Variants in DGCR2 observed in about 807,000 individuals in gnomAD.
DGCR2 encodes DiGeorge syndrome critical region gene 2, also known as integral membrane protein DGCR2/IDD.
Under a neutral mutation model 51.6 loss-of-function variants are expected in DGCR2, and 24 were observed. The observed-to-expected ratio is 0.47, with a 90% CI of 0.34 to 0.65. The LOEUF (loss-of-function observed/expected upper bound fraction) is 0.65. Ranked by LOEUF, DGCR2 falls within the 30% of genes least tolerant of loss-of-function variation. DGCR2 has a pLI of 0.01. For synonymous variants in DGCR2, 340 were observed against 315.4 expected, an observed-to-expected ratio of 1.08 and a Z score of -0.82; for missense variants, 765 against 772.1, an observed-to-expected ratio of 0.99 and a Z score of 0.11.
chr22:19,083,121 T>C (rs2082959948), intron 2 of DGCR2, among the ~76,000 whole-genome samples: 1 of 151,948 alleles, frequency 6.6e-6, no homozygotes, highest in African/African-American at 2.4e-5. Context: ...AAAGGCACAC[T>C]TCCCTATCAA....
chr22:19,121,790 C>G (rs2083435674), intron 1 of DGCR2: 1 of 188,990 alleles, frequency 5.3e-6, no homozygotes, highest in African/African-American at 2.4e-5. Context: ...TCTGTGAAAC[C>G]AGGTGCCCCT....
chr22:19,116,099 G>A (rs1007764229), intron 1 of DGCR2, among the ~76,000 whole-genome samples: 2 of 152,250 alleles, frequency 1.3e-5, no homozygotes, highest in Non-Finnish European at 2.9e-5. Flanking sequence ...AGAACAGATT[G>A]AGCCTAGGCA....
In DGCR2 at chr22:19,089,573, C is replaced by T. The variant is rs1365631726; in HGVS notation, c.80-83G>A. ...AGCCCATGGGCTGGATCAATCTCTTCCCATTTGTTTGTTTGTTTGTTTTTG... is the reference window on the plus strand; with the variant it reads ...AGCCCATGGGCTGGATCAATCTCTTTCCATTTGTTTGTTTGTTTGTTTTTG... On this transcript the variant is annotated intron_variant, in intron 1 of 9. Coordinates refer to ENST00000263196, the MANE Select transcript of DGCR2 (RefSeq NM_005137.3). 3.0e-6 allele frequency: 4 copies of T among 1,341,452 alleles called. No individual in the cohort carries two copies. The African/African-American group carries it at 4.5e-5, about 15-fold the overall frequency. 83.1% of individuals were successfully genotyped at this position (1,341,452 alleles called of 1,614,324 possible). A position where few individuals can be genotyped will look rare whatever the true frequency, so the allele number is the denominator to read the frequency against.
chr22:19,076,652 T>C (rs142565173), intron 2 of DGCR2, among the ~76,000 whole-genome samples: 2,473 of 152,056 alleles, frequency 0.016, 87 homozygotes, highest in East Asian at 0.062. Context: ...TTTGCATTTC[T>C]CTAATCATTA....
intron 1 of DGCR2, 200 bp downstream of exon 1, chr22:19,121,928 G>C (rs1407653377): frequency 7.0e-6 from 2 of 286,012 alleles, no homozygotes; most frequent in Non-Finnish European, 1.3e-5. Flanking sequence ...AGAGCTGCAC[G>C]AAGTCCGAGG....
chr22:19,122,325 G>A lies in DGCR2; in HGVS notation c.-119C>T. 3.7e-6 allele frequency: 3 copies of A among 820,372 alleles called. No individual in the cohort carries two copies. Among genetic ancestry groups the A allele is most frequent in the Non-Finnish European group, 5.2e-6 (3 of 571,672 alleles). The allele number at this position is 820,372 out of a possible 1,614,324, so 50.8% of individuals were successfully genotyped here. Reference sequence around the variant, plus strand: ...GCTGAACCTGGGCGAGGCGCGGAGAGGCGGCGGGAAAGAGCTTCGGCTGGG... The same window carrying A: ...GCTGAACCTGGGCGAGGCGCGGAGAAGCGGCGGGAAAGAGCTTCGGCTGGG... On this transcript the variant is annotated 5_prime_UTR_variant, in exon 1 of 10. Transcript: ENST00000263196.
chr22:19,060,200 C>T (rs2082645702), intron 5 of DGCR2, among the ~76,000 whole-genome samples: 1 of 152,234 alleles, frequency 6.6e-6, no homozygotes, highest in Non-Finnish European at 1.5e-5. Context: ...CAGCCTGGCC[C>T]CTCCCTCACT....
Position 19,041,836 on chromosome 22 carries a change from T to A in DGCR2, c.1130A>T (p.Glu377Val). 6.2e-7 allele frequency: 1 copy of A among 1,612,702 alleles called. No individual in the cohort carries two copies. ...MVHRLRQRRR[E>V]RIESLIGANL... is the part of the protein sequence containing the mutation. ...TGCTCCAATCAGGGACTCGATGCGC[T>A]CCCGGCGCCGCTGGCGCAGCCGGTG... The change falls in exon 8 of 10, where the codon GAG (glutamate) becomes GTG (valine). Residue 377 changes from glutamate (E) to valine (V), a missense_variant. Around this residue, in one of 3 missense-constraint regions of DGCR2, gnomAD observed 190 missense variants for 265.2 expected, o/e 0.72. Transcript: ENST00000263196.
chr22:19,082,769 G>C (rs1161699864), intron 2 of DGCR2, among the ~76,000 whole-genome samples: 1 of 145,448 alleles, frequency 6.9e-6, no homozygotes, highest in Non-Finnish European at 1.5e-5. Flanking sequence ...AAAAAAAACA[G>C]AAAAAAAAAG....
chr22:19,062,697 C>A (rs746724481), intron 5 of DGCR2, among the ~76,000 whole-genome samples: 2 of 151,632 alleles, frequency 1.3e-5, no homozygotes, highest in Non-Finnish European at 3.0e-5. Flanking sequence ...AAGGAAACAG[C>A]AGCCATGTTT....
Position 19,089,446 on chromosome 22 carries a change from T to C in DGCR2, c.124A>G (p.Ile42Val), listed in dbSNP as rs1244282393. 2 of 1,606,648 alleles carry C rather than the reference T, an allele frequency of 1.2e-6. No individual in the cohort carries two copies. Among genetic ancestry groups the C allele is most frequent in the Admixed American group, 1.7e-5 (1 of 59,218 alleles). The change falls in exon 2 of 10, where the codon ATC (isoleucine) becomes GTC (valine). Residue 42 changes from isoleucine to valine, a missense_variant. Coordinates refer to ENST00000263196, the MANE Select transcript of DGCR2 (RefSeq NM_005137.3). ...TGCCAGGGGAGGGGGATGCACTGGATGGTGCCGCTGCGACACGCAAACTGC... is the reference window on the plus strand; with the variant it reads ...TGCCAGGGGAGGGGGATGCACTGGACGGTGCCGCTGCGACACGCAAACTGC... Reference protein sequence around the residue: ...PGQFACRSGTIQCIPLPWQCD... With the variant: ...PGQFACRSGTVQCIPLPWQCD...
At chr22:19,076,753 T>C (rs1264666578) in intron 2 of DGCR2, among the ~76,000 whole-genome samples, 77 of 111,500 alleles carry the variant, frequency 6.9e-4, no homozygotes, top group South Asian at 1.9e-3. Context: ...TTTTTTGAGA[T>C]GGAGTCTCGC....
At position 19,095,660 on chromosome 22, in the gene DGCR2, C is replaced by CA. The variant is rs560020507; in HGVS notation, c.80-6171dup. 0.012 allele frequency among the ~76,000 whole-genome samples: 763 copies of CA among 64,712 alleles called. 21 individuals are homozygous for CA. In the East Asian group the frequency reaches 0.13, roughly 11 times the overall value. 42.5% of individuals were successfully genotyped at this position (64,712 alleles called of 152,430 possible). On this transcript the variant is annotated intron_variant, in intron 1 of 9. Coordinates refer to ENST00000263196, the MANE Select transcript of DGCR2 (RefSeq NM_005137.3). ...TGGGCAACAGCGCAAGACTCCGTCT[C>CA]AAAAAAAAAAAAAAAAACAACTCAA...
At chr22:19,116,886 A>G (rs994413282) in intron 1 of DGCR2, among the ~76,000 whole-genome samples, 13 of 152,172 alleles carry the variant, frequency 8.5e-5, no homozygotes, top group African/African-American at 3.1e-4. Context: ...ACCTGTCATC[A>G]CTGCTGAGAG....
At chr22:19,075,848 C>G (rs1199755411) in intron 2 of DGCR2, among the ~76,000 whole-genome samples, 2 of 152,212 alleles carry the variant, frequency 1.3e-5, no homozygotes, top group African/African-American at 4.8e-5. Flanking sequence ...ACTTGGGTTG[C>G]TTCCACCTTT....
intron 1 of DGCR2, among the ~76,000 whole-genome samples, chr22:19,090,811 G>GAA (rs58088390): frequency 2.1e-4 from 31 of 147,074 alleles, no homozygotes; most frequent in African/African-American, 5.0e-4. Context: ...CCAAAAGAAG[G>GAA]AAAAAAAAAA....
intron 9 of DGCR2, 68 bp from the exon 10 acceptor site, chr22:19,039,189 G>A (rs377653176): frequency 6.3e-7 from 1 of 1,582,760 alleles, no homozygotes; most frequent in South Asian, 1.2e-5. Flanking sequence ...AGGGGAGCTA[G>A]GCAAAACCAG....
rs557155047 is a variant in DGCR2 at position 19,084,010 on chromosome 22, G to A, written c.202+5358C>T. ...GTGCCGGGATTGCAGACGGAGTCTC[G>A]TTCACTCAGTGCTCAATGTTGCCCA... On this transcript the variant is annotated intron_variant, in intron 2 of 9. Transcript: ENST00000263196. 3.9e-5 allele frequency among the ~76,000 whole-genome samples: 6 copies of A among 152,240 alleles called. No homozygotes were observed. The South Asian group carries it at 8.3e-4, about 21-fold the overall frequency.
In DGCR2 at chr22:19,122,153, G is replaced by C. The variant is rs1228244291; in HGVS notation, c.54C>G (p.Leu18=). The C allele has an allele frequency of 6.6e-7, 1 of 1,508,738 alleles. No individual in the cohort carries two copies. Among genetic ancestry groups the C allele is most frequent in the Non-Finnish European group, 8.9e-7 (1 of 1,128,438 alleles). 93.5% of individuals were successfully genotyped at this position (1,508,738 alleles called of 1,614,324 possible). A position where few individuals can be genotyped will look rare whatever the true frequency, so the allele number is the denominator to read the frequency against. The stretch of plus-strand genomic sequence containing the variant: ...CTGGCCGCAGCGGCTCGGTGACAGT[G>C]AGCACGAGCAGGAAGAGCAGCAGGA... ...GAFLLLFLLV[L]TVTEPLRPEL... Residue 18 remains leucine (L), a synonymous_variant, in exon 1 of 10, where the codon CTC becomes CTG. Transcript: ENST00000263196.
Sources: gnomAD v4.1 joint callset for allele counts (sites outside exome capture counted in the v4.1 genomes callset) on GRCh38, gnomAD v4.1.1 for gene constraint, gnomAD v4.1.1 regional missense constraint, MANE v1.5 for transcripts, NCBI Gene and HGNC (gene_info 2026-07-23, HGNC 2026-07-21) for gene names.